TSNARE1: variants seen among roughly 807,000 people sequenced by gnomAD.
The protein encoded by TSNARE1 is t-SNARE domain-containing protein 1.
Under a neutral mutation model 62.0 loss-of-function variants are expected in TSNARE1, and 49 were observed. The ratio of observed to expected loss-of-function variants is 0.79; its 90% CI spans 0.63 to 1.00. The LOEUF (loss-of-function observed/expected upper bound fraction) is 1.00, where lower values mean the gene tolerates loss of function less well. Among genes scored for constraint, TSNARE1 ranks in the 50% least tolerant of loss-of-function variants. TSNARE1 has a pLI of 0.00. For synonymous variants in TSNARE1, 328 were observed against 294.4 expected, an observed-to-expected ratio of 1.11 and a Z score of -1.17; for missense variants, 755 against 700.1, an observed-to-expected ratio of 1.08 and a Z score of -0.88.
chr8:142,318,425 G>T, intron 7 of TSNARE1, 119 bp downstream of exon 7: 1 of 994,678 alleles, frequency 1.0e-6, no homozygotes, highest in Non-Finnish European at 1.5e-6. Context: ...AGGCCAGTCT[G>T]TGTCCATCCA....
chr8:142,338,094 C>A (rs555613628), intron 4 of TSNARE1, among the ~76,000 whole-genome samples: 1 of 152,228 alleles, frequency 6.6e-6, no homozygotes, highest in South Asian at 2.1e-4. Context: ...CAAAACGAAA[C>A]GTCAGCAGCG....
At chr8:142,225,631 G>A (rs1038862792) in intron 13 of TSNARE1, among the ~76,000 whole-genome samples, 3 of 152,200 alleles carry the variant, frequency 2.0e-5, no homozygotes, top group Non-Finnish European at 4.4e-5. Flanking sequence ...CTCCTTGCAA[G>A]TGACTACAGG....
rs200256455 is a variant in TSNARE1 at position 142,345,841 on chromosome 8, G to A, written c.140C>T (p.Ser47Leu). The A allele has an allele frequency of 1.1e-5, 17 of 1,613,930 alleles. No homozygotes were observed. The highest frequency in any genetic ancestry group is 5.3e-5 in the African/African-American group (4 of 75,022). ...GCGGTTCTGCAGCTTGCTCTCTGGC[G>A]ACGGGCAGGGGAAATGGCGGATTCC... ...EYGIRHFPCP[S>L]PESKLQNRCV... The change falls in exon 3 of 14, where the codon TCG (serine) becomes TTG (leucine). Residue 47 changes from serine (S) to leucine (L), a missense_variant. Ser to Leu is a moderately radical substitution (Grantham distance 145, BLOSUM62 -2). Transcript: ENST00000524325.
chr8:142,374,404 T>C (rs1438591917), intron 1 of TSNARE1, among the ~76,000 whole-genome samples: 1 of 150,652 alleles, frequency 6.6e-6, no homozygotes, highest in Non-Finnish European at 1.5e-5. Context: ...TGCGGCTGGG[T>C]GCGGTGGCTC....
chr8:142,399,363 T>G (rs540475768), intron 1 of TSNARE1, among the ~76,000 whole-genome samples: 1 of 152,298 alleles, frequency 6.6e-6, no homozygotes, highest in East Asian at 1.9e-4. Flanking sequence ...GGGCCACAGC[T>G]GGATGGACGT....
At chr8:142,382,994 C>G (rs1434607103) in intron 1 of TSNARE1, among the ~76,000 whole-genome samples, 2 of 151,984 alleles carry the variant, frequency 1.3e-5, no homozygotes, top group African/African-American at 2.4e-5. Flanking sequence ...GAAAGGAGGG[C>G]AGGGGGGCAG....
At chr8:142,388,521 G>C (rs374429331) in intron 1 of TSNARE1, among the ~76,000 whole-genome samples, 1 of 118,750 alleles carries the variant, frequency 8.4e-6, no homozygotes. Flanking sequence ...AAAAAAAGAA[G>C]AAATCAGTAA....
chr8:142,221,222 C>T (rs1045850040), intron 13 of TSNARE1, among the ~76,000 whole-genome samples: 4 of 152,222 alleles, frequency 2.6e-5, no homozygotes, highest in African/African-American at 9.6e-5. Context: ...ATTAAAGCAC[C>T]TACTAAGTGC....
chr8:142,274,563 C>T (rs959420515), intron 12 of TSNARE1: 8 of 985,296 alleles, frequency 8.1e-6, no homozygotes, highest in African/African-American at 1.7e-5. Context: ...GAGACGGTGC[C>T]GACCGCTGTG....
At chr8:142,221,837 CCACTCATT>C in intron 13 of TSNARE1, among the ~76,000 whole-genome samples, 1 of 83,356 alleles carries the variant, frequency 1.2e-5, no homozygotes, top group Admixed American at 1.2e-4. Flanking sequence ...ACTCACTCAT[CCACTCATT>C]CACTCACTCA....
At position 142,312,868 on chromosome 8, in the gene TSNARE1, G is replaced by A. The variant is rs144616548; in HGVS notation, c.1131+1516C>T. Reference sequence around the variant, plus strand: ...TCTCAATAAGCTGAGACACAAGCTGGCAAATGTCCTGGGGGTGAGAAGGCA... The same window carrying A: ...TCTCAATAAGCTGAGACACAAGCTGACAAATGTCCTGGGGGTGAGAAGGCA... On this transcript the variant is annotated intron_variant, in intron 9 of 13. Coordinates refer to ENST00000524325, the MANE Select transcript of TSNARE1 (RefSeq NM_145003.5). 2.0e-3 allele frequency among the ~76,000 whole-genome samples: 300 copies of A among 152,356 alleles called. 2 individuals carry two copies. Among genetic ancestry groups the A allele is most frequent in the African/African-American group, 6.7e-3 (280 of 41,578 alleles).
At chr8:142,377,423 C>T (rs1314914169) in intron 1 of TSNARE1, among the ~76,000 whole-genome samples, 1 of 151,826 alleles carries the variant, frequency 6.6e-6, no homozygotes, top group Admixed American at 6.6e-5. Flanking sequence ...AAAGTGACAA[C>T]ATATTTGCAA....
At chr8:142,310,788 A>T (rs1186049318) in intron 9 of TSNARE1, among the ~76,000 whole-genome samples, 2 of 151,808 alleles carry the variant, frequency 1.3e-5, no homozygotes, top group Non-Finnish European at 2.9e-5. Context: ...CTTTTCTAAG[A>T]TTTTATTTTT....
intron 13 of TSNARE1, among the ~76,000 whole-genome samples, chr8:142,223,903 A>G (rs1816655329): frequency 8.8e-6 from 1 of 113,882 alleles, no homozygotes; most frequent in Non-Finnish European, 2.0e-5. Flanking sequence ...TGCAACAGCC[A>G]CATCTGAGAA....
rs114009482 is a variant in TSNARE1, at chr8:142,292,557, G to A, written c.1290+7929C>T. On this transcript the variant is annotated intron_variant, in intron 10 of 13. Transcript: ENST00000524325. ...GCAAGCAGCTCACCCACCGCCCCTG[G>A]AGAAGAGGCCGGCCAGACCCCAGGA... 2.9e-3 allele frequency among the ~76,000 whole-genome samples: 447 copies of A among 152,280 alleles called. 6 individuals carry two copies. Among genetic ancestry groups the A allele is most frequent in the African/African-American group, 0.01 (426 of 41,550 alleles).
rs1369776043 is a variant in TSNARE1 at position 142,306,321 on chromosome 8, A to G, written c.1132-5677T>C. On this transcript the variant is annotated intron_variant, in intron 9 of 13. Coordinates refer to ENST00000524325, the MANE Select transcript of TSNARE1 (RefSeq NM_145003.5). ...TCCAGCCAGCCCGTGAGAGTGAAGC[A>G]GGTCTTCACTTCTGCAGCCCGGCTG... Among the ~76,000 whole-genome samples, 7 of 152,346 alleles carry G rather than the reference A, an allele frequency of 4.6e-5. No individual in the cohort carries two copies. In the East Asian group the frequency reaches 9.6e-4, roughly 21 times the overall value.
rs1815862732 is a variant in TSNARE1, at chr8:142,216,835, C to T, written c.*12-4522G>A. ...TCTCAGTCGACAAATCTGCCTCGGA[C>T]ATCCCTGGGCCCCACACTGGGCTGG... is the stretch of plus-strand genomic sequence containing the variant. On this transcript the variant is annotated intron_variant, in intron 13 of 13. Coordinates refer to ENST00000524325, the MANE Select transcript of TSNARE1 (RefSeq NM_145003.5). Among the ~76,000 whole-genome samples, 4 of 152,346 alleles carry T rather than the reference C, an allele frequency of 2.6e-5. No individual in the cohort carries two copies. The South Asian group carries it at 8.3e-4, about 32-fold the overall frequency.
intron 11 of TSNARE1, chr8:142,276,832 T>G (rs1820583682): frequency 1.0e-6 from 1 of 985,206 alleles, no homozygotes; most frequent in Non-Finnish European, 1.2e-6. Context: ...CCAGGGGCAT[T>G]CTTAGCCAGC....
chr8:142,227,349 G>GCA (rs1816876240), intron 13 of TSNARE1, among the ~76,000 whole-genome samples: 2 of 105,328 alleles, frequency 1.9e-5, no homozygotes, highest in African/African-American at 1.6e-4. Context: ...CCCCCATCCT[G>GCA]CCCATAGCCC....
Sources: gnomAD v4.1 joint callset for allele counts (sites outside exome capture counted in the v4.1 genomes callset) on GRCh38, gnomAD v4.1.1 for gene constraint, MANE v1.5 for transcripts, NCBI Gene and HGNC (gene_info 2026-07-23, HGNC 2026-07-21) for gene names.